The following MID1 variants were observed in gnomAD, a reference collection of about 807,000 sequenced individuals.
The protein encoded by MID1 is E3 ubiquitin-protein ligase Midline-1.
A neutral mutation model predicts 40.4 loss-of-function variants in MID1; 7 were observed. That is an observed-to-expected ratio of 0.17 (90% CI 0.10 to 0.33). The LOEUF (loss-of-function observed/expected upper bound fraction) is 0.33, where lower values mean the gene tolerates loss of function less well. Among genes scored for constraint, MID1 ranks in the 10% least tolerant of loss-of-function variants. The pLI is 1.00. For missense variants in MID1, 367 were observed against 558.5 expected (o/e 0.66, Z 3.46); for synonymous variants, 229 against 221.2 (o/e 1.04, Z -0.31).
Position 10,513,967 on chromosome X carries a change from C to A in MID1, c.756+9125G>T, listed in dbSNP as rs1007842473. On this transcript the variant is annotated intron_variant, in intron 3 of 9. Transcript: ENST00000317552. ...TGTAATGGAGACAGGATAAGGAATT[C>A]TTGTATTGTGTGGAGGGAGGGAGCA... Among the ~76,000 whole-genome samples, 5 of 112,173 alleles carry A rather than the reference C, an allele frequency of 4.5e-5. No individual in the cohort carries two copies. In the East Asian group the frequency reaches 1.1e-3, roughly 25 times the overall value.
At chrX:10,582,063 C>T (rs913532114) in intron 1 of MID1, among the ~76,000 whole-genome samples, 1 of 111,788 alleles carries the variant, frequency 8.9e-6, no homozygotes, top group African/African-American at 3.3e-5. Context: ...TGTTTTTACT[C>T]AAATGGTATG....
At chrX:10,581,270 A>G (rs980527775) in intron 1 of MID1, among the ~76,000 whole-genome samples, 1 of 110,199 alleles carries the variant, frequency 9.1e-6, no homozygotes, top group African/African-American at 3.4e-5. Context: ...AAACAAAAAC[A>G]AAAAACAAAC....
intron 1 of MID1, among the ~76,000 whole-genome samples, chrX:10,826,256 T>C (rs1434963916): frequency 9.0e-6 from 1 of 110,835 alleles, no homozygotes; most frequent in Non-Finnish European, 1.9e-5. Context: ...CTCCTTTCGA[T>C]TTCACCTCTC....
chrX:10,675,070 T>G (rs1346695741), intron 1 of MID1, among the ~76,000 whole-genome samples: 1 of 112,331 alleles, frequency 8.9e-6, no homozygotes, highest in Non-Finnish European at 1.9e-5. Flanking sequence ...GCATTTTCAA[T>G]TTTTGAATAT....
intron 2 of MID1, among the ~76,000 whole-genome samples, chrX:10,564,547 A>AAAAGAAACC (rs1273934740): frequency 8.9e-6 from 1 of 111,894 alleles, no homozygotes; most frequent in Admixed American, 9.5e-5. Flanking sequence ...CTAGGAAATA[A>AAAAGAAACC]AAAGAAACCA....
intron 1 of MID1, among the ~76,000 whole-genome samples, chrX:10,702,469 T>C (rs1034980330): frequency 2.7e-5 from 3 of 112,559 alleles, no homozygotes; most frequent in African/African-American, 9.7e-5. Flanking sequence ...CTGAAGAAGA[T>C]CTGTGTGAAA....
intron 3 of MID1, among the ~76,000 whole-genome samples, chrX:10,516,768 A>G (rs1932468535): frequency 9.1e-6 from 1 of 109,758 alleles, no homozygotes; most frequent in Non-Finnish European, 1.9e-5. Flanking sequence ...GGCGCACACC[A>G]CCACGCCTGT....
chrX:10,612,751 T>C (rs1268487895), intron 1 of MID1, among the ~76,000 whole-genome samples: 1 of 112,221 alleles, frequency 8.9e-6, no homozygotes, highest in African/African-American at 3.2e-5. Context: ...TATTGAATTA[T>C]AGCACATGAC....
intron 5 of MID1, chrX:10,475,212 G>A (rs1383509217): frequency 3.0e-6 from 1 of 331,253 alleles, no homozygotes; most frequent in Non-Finnish European, 5.9e-6. Flanking sequence ...AAGGCAAAGT[G>A]AATATTAAAA....
chrX:10,541,306 T>G (rs1251648431), intron 2 of MID1, among the ~76,000 whole-genome samples: 2 of 111,534 alleles, frequency 1.8e-5, no homozygotes, highest in African/African-American at 6.5e-5. Flanking sequence ...TAAACAGAAA[T>G]CACCAGTTCA....
chrX:10,647,405 T>C (rs2147571864), intron 1 of MID1, among the ~76,000 whole-genome samples: 1 of 111,911 alleles, frequency 8.9e-6, no homozygotes, highest in East Asian at 2.8e-4. Flanking sequence ...TCCCACAAAA[T>C]GAAACATATG....
intron 2 of MID1, among the ~76,000 whole-genome samples, chrX:10,548,319 G>A: frequency 9.0e-6 from 1 of 110,741 alleles, no homozygotes; most frequent in Non-Finnish European, 1.9e-5. Flanking sequence ...TCCCTCTATG[G>A]TGCCCTCTCT....
At chrX:10,728,273 G>C (rs749133980) in intron 1 of MID1, among the ~76,000 whole-genome samples, 1 of 111,331 alleles carries the variant, frequency 9.0e-6, no homozygotes, top group South Asian at 3.8e-4. Flanking sequence ...CCATGGGAGT[G>C]GGTGGCCAGC....
At chrX:10,771,033 G>A (rs769276267) in intron 1 of MID1, among the ~76,000 whole-genome samples, 1 of 108,560 alleles carries the variant, frequency 9.2e-6, no homozygotes, top group South Asian at 4.2e-4. Context: ...GTGAACCCGG[G>A]AGGCGGAGCT....
chrX:10,663,946 C>T (rs1471768397), intron 1 of MID1, among the ~76,000 whole-genome samples: 1 of 111,855 alleles, frequency 8.9e-6, no homozygotes. Context: ...CCTCCCTACA[C>T]ACCCATATAC....
At chrX:10,779,845 T>C (rs1216817813) in intron 1 of MID1, among the ~76,000 whole-genome samples, 3 of 111,611 alleles carry the variant, frequency 2.7e-5, no homozygotes, top group African/African-American at 9.8e-5. Flanking sequence ...TTGGAGGTTA[T>C]TGGAGCATGT....
At chrX:10,709,110 A>G (rs1409417997) in intron 1 of MID1, among the ~76,000 whole-genome samples, 7 of 112,209 alleles carry the variant, frequency 6.2e-5, no homozygotes, top group Non-Finnish European at 1.3e-4. Context: ...AATACATCTG[A>G]TGGGGAGACA....
At chrX:10,781,145 A>T (rs2147132612) in intron 1 of MID1, among the ~76,000 whole-genome samples, 1 of 112,462 alleles carries the variant, frequency 8.9e-6, no homozygotes, top group Non-Finnish European at 1.9e-5. Context: ...TGAGTTAATC[A>T]AAATGACGTT....
At chrX:10,786,319 C>T (rs1410639301) in intron 1 of MID1, among the ~76,000 whole-genome samples, 10 of 110,452 alleles carry the variant, frequency 9.1e-5, no homozygotes, top group Non-Finnish European at 1.3e-4. Context: ...CAGGAAACAA[C>T]AGGTGCTGGA....
Sources: allele counts gnomAD v4.1 joint callset (sites outside exome capture counted in the v4.1 genomes callset), GRCh38; gene constraint gnomAD v4.1.1; transcripts MANE v1.5; gene names NCBI Gene and HGNC (gene_info 2026-07-23, HGNC 2026-07-21).